SGCZ: variants seen among roughly 807,000 people sequenced by gnomAD.
SGCZ encodes zeta-sarcoglycan.
In SGCZ, 40 loss-of-function variants were observed where a neutral mutation model predicts 41.3. That is an observed-to-expected ratio of 0.97 (90% CI 0.75 to 1.26). The LOEUF is 1.26. Ranked by LOEUF, SGCZ falls within the 50% of genes most tolerant of loss-of-function variation. SGCZ has a pLI of 0.00. For missense variants in SGCZ, 552 were observed against 369.8 expected, an observed-to-expected ratio of 1.49 and a Z score of -4.04; for synonymous variants, 206 against 137.5, an observed-to-expected ratio of 1.50 and a Z score of -3.49.
chr8:14,708,247 C>G (rs374511119), intron 1 of SGCZ, among the ~76,000 whole-genome samples: 17 of 151,880 alleles, frequency 1.1e-4, no homozygotes, highest in East Asian at 7.7e-4. Context: ...CATATTAGTA[C>G]ATTCAATTTC....
intron 1 of SGCZ, among the ~76,000 whole-genome samples, chr8:14,744,060 G>C (rs925618847): frequency 1.3e-5 from 2 of 152,070 alleles, no homozygotes; most frequent in African/African-American, 4.8e-5. Context: ...CTGTTGAATA[G>C]CCACAGGGTT....
intron 1 of SGCZ, among the ~76,000 whole-genome samples, chr8:14,633,134 T>C (rs1806713540): frequency 6.6e-6 from 1 of 151,992 alleles, no homozygotes; most frequent in Non-Finnish European, 1.5e-5. Flanking sequence ...GTTTGCTGAG[T>C]TAAAATGCAT....
Position 14,865,126 on chromosome 8 carries a change from TATAAG to T in SGCZ, c.40-310205_40-310201del, listed in dbSNP as rs1438633792. On this transcript the variant is annotated intron_variant, in intron 1 of 7. Coordinates refer to ENST00000382080, the MANE Select transcript of SGCZ (RefSeq NM_139167.4). The stretch of plus-strand genomic sequence containing the variant: ...AAAATGTGCAATAGTTCCTGCTACC[TATAAG>T]ATAAAACTCAGTGTCCTTAGCATCA... Among the ~76,000 whole-genome samples the T allele has an allele frequency of 1.1e-4, 17 of 152,102 alleles. 1 individual carries two copies. The highest frequency in any genetic ancestry group is 4.1e-4 in the African/African-American group (17 of 41,426).
intron 1 of SGCZ, among the ~76,000 whole-genome samples, chr8:15,009,583 T>C (rs1326487715): frequency 6.6e-6 from 1 of 152,070 alleles, no homozygotes; most frequent in African/African-American, 2.4e-5. Flanking sequence ...AACAAGTGAG[T>C]GAAAATCATG....
chr8:14,514,004 G>A (rs541605238), intron 2 of SGCZ, among the ~76,000 whole-genome samples: 6 of 152,060 alleles, frequency 3.9e-5, no homozygotes, highest in Admixed American at 3.9e-4. Context: ...TATTTCAGGG[G>A]TTTACAGCTT....
intron 2 of SGCZ, among the ~76,000 whole-genome samples, chr8:14,408,111 C>A (rs1799261332): frequency 6.6e-6 from 1 of 152,034 alleles, no homozygotes; most frequent in African/African-American, 2.4e-5. Context: ...TCTTTTACTT[C>A]AATAGCATGT....
At chr8:14,866,183 G>C (rs903137887) in intron 1 of SGCZ, among the ~76,000 whole-genome samples, 4 of 151,962 alleles carry the variant, frequency 2.6e-5, no homozygotes, top group African/African-American at 7.2e-5. Flanking sequence ...TAAAAGAAAG[G>C]ATCTATTTAT....
At chr8:15,204,060 T>A (rs1027045560) in intron 1 of SGCZ, among the ~76,000 whole-genome samples, 11 of 152,340 alleles carry the variant, frequency 7.2e-5, no homozygotes, top group African/African-American at 2.4e-4. Flanking sequence ...CATAATTAAC[T>A]TTTGAAATTA....
chr8:14,769,619 C>T (rs966721997), intron 1 of SGCZ, among the ~76,000 whole-genome samples: 3 of 151,814 alleles, frequency 2.0e-5, no homozygotes, highest in Non-Finnish European at 2.9e-5. Flanking sequence ...TGGCGAAACC[C>T]AGTCTCTACT....
chr8:14,766,727 A>ATTT lies in SGCZ; in HGVS notation c.40-211804_40-211802dup, dbSNP rs33955290. The stretch of plus-strand genomic sequence containing the variant: ...CAGGCACCTGTCACCATGTCCAGCT[A>ATTT]TTTTTTTTTTTTTTTTTTTTTTGTA... On this transcript the variant is annotated intron_variant, in intron 1 of 7. Coordinates refer to ENST00000382080, the MANE Select transcript of SGCZ (RefSeq NM_139167.4). 1.7e-3 allele frequency among the ~76,000 whole-genome samples: 156 copies of ATTT among 92,776 alleles called. 1 individual carries two copies. The highest frequency in any genetic ancestry group is 8.2e-3 in the Middle Eastern group (1 of 122). 60.9% of individuals were successfully genotyped at this position (92,776 alleles called of 152,430 possible).
chr8:14,554,142 A>G (rs1329056434), intron 2 of SGCZ, among the ~76,000 whole-genome samples: 1 of 152,068 alleles, frequency 6.6e-6, no homozygotes, highest in Non-Finnish European at 1.5e-5. Flanking sequence ...CTTTTATAAA[A>G]GAGTGATTTA....
chr8:14,667,529 T>C (rs1807949610), intron 1 of SGCZ, among the ~76,000 whole-genome samples: 1 of 152,166 alleles, frequency 6.6e-6, no homozygotes, highest in Non-Finnish European at 1.5e-5. Context: ...AATACAGTCA[T>C]AAAATACTCT....
At chr8:15,066,177 G>A (rs1410543086) in intron 1 of SGCZ, among the ~76,000 whole-genome samples, 11 of 151,804 alleles carry the variant, frequency 7.2e-5, no homozygotes, top group South Asian at 6.3e-4. Flanking sequence ...GCGCGGTGGC[G>A]GGCGCCTGTA....
At chr8:14,323,795 T>C (rs958549864) in intron 3 of SGCZ, among the ~76,000 whole-genome samples, 1 of 152,102 alleles carries the variant, frequency 6.6e-6, no homozygotes, top group African/African-American at 2.4e-5. Context: ...TCAAGACATA[T>C]CAAATGCCCC....
At chr8:14,614,622 A>G (rs543773648) in intron 1 of SGCZ, among the ~76,000 whole-genome samples, 9 of 152,298 alleles carry the variant, frequency 5.9e-5, no homozygotes, top group Admixed American at 3.9e-4. Context: ...CTTTGATTCT[A>G]CTTCATTTTT....
intron 1 of SGCZ, among the ~76,000 whole-genome samples, chr8:14,695,552 A>G (rs1269843585): frequency 6.6e-6 from 1 of 152,128 alleles, no homozygotes; most frequent in Non-Finnish European, 1.5e-5. Context: ...TTGCCTCCGG[A>G]TGGCATTGCA....
intron 1 of SGCZ, among the ~76,000 whole-genome samples, chr8:15,095,256 C>G (rs1230840732): frequency 6.6e-6 from 1 of 151,970 alleles, no homozygotes; most frequent in African/African-American, 2.4e-5. Flanking sequence ...GTGCCATCAC[C>G]CCTAGCTAAT....
intron 1 of SGCZ, among the ~76,000 whole-genome samples, chr8:14,753,001 C>T (rs1248742491): frequency 6.6e-6 from 1 of 151,812 alleles, no homozygotes; most frequent in African/African-American, 2.4e-5. Flanking sequence ...GGTCTGTTTT[C>T]ATTCTATGGA....
intron 1 of SGCZ, among the ~76,000 whole-genome samples, chr8:15,144,823 G>T (rs1798993986): frequency 6.6e-6 from 1 of 152,080 alleles, no homozygotes. Flanking sequence ...CAGTGCTTAG[G>T]GACACATTAA....
Sources: allele counts gnomAD v4.1 joint callset (sites outside exome capture counted in the v4.1 genomes callset), GRCh38; gene constraint gnomAD v4.1.1; transcripts MANE v1.5; gene names NCBI Gene and HGNC (gene_info 2026-07-23, HGNC 2026-07-21).